The following MDGA2 variants were observed in gnomAD, a reference collection of about 807,000 sequenced individuals.
MDGA2 encodes MAM domain-containing glycosylphosphatidylinositol anchor protein 2.
Under a neutral mutation model 117.8 loss-of-function variants are expected in MDGA2, and 40 were observed. The observed-to-expected ratio is 0.34, with a 90% CI of 0.26 to 0.44. The LOEUF is 0.44. MDGA2 is among the 20% of genes least tolerant of loss of function. MDGA2 has a pLI of 1.00. For synonymous variants in MDGA2, 452 were observed against 439.0 expected (o/e 1.03, Z -0.37); for missense variants, 1,123 against 1,250.6 (o/e 0.90, Z 1.54).
chr14:47,044,876 A>C (rs1889201876), intron 7 of MDGA2, among the ~76,000 whole-genome samples: 2 of 152,212 alleles, frequency 1.3e-5, no homozygotes, highest in African/African-American at 4.8e-5. Context: ...AAATCTTATT[A>C]GAACGGCATT....
chr14:46,894,429 C>G (rs1307149269), intron 10 of MDGA2, among the ~76,000 whole-genome samples: 1 of 151,670 alleles, frequency 6.6e-6, no homozygotes. Context: ...TTTTTTTTCA[C>G]CATTGGGAAG....
intron 1 of MDGA2, among the ~76,000 whole-genome samples, chr14:47,317,847 CCT>C (rs935765262): frequency 5.3e-5 from 8 of 152,050 alleles, no homozygotes; most frequent in Admixed American, 3.9e-4. Context: ...CTTCTAGGCC[CCT>C]GTGCCCAGCT....
intron 1 of MDGA2, among the ~76,000 whole-genome samples, chr14:47,613,475 T>TCACA (rs879927071): frequency 1.3e-4 from 14 of 109,006 alleles, no homozygotes; most frequent in South Asian, 4.4e-4. Context: ...TCTCTCTCTC[T>TCACA]CTCTCACACA....
At chr14:46,961,522 T>G (rs1156640443) in intron 8 of MDGA2, among the ~76,000 whole-genome samples, 2 of 152,230 alleles carry the variant, frequency 1.3e-5, no homozygotes, top group African/African-American at 4.8e-5. Flanking sequence ...TCATTTATTC[T>G]TTTTCTGTAT....
Position 46,969,965 on chromosome 14 carries a change from T to C in MDGA2, c.1820-12322A>G, listed in dbSNP as rs1184594031. Among the ~76,000 whole-genome samples the C allele has an allele frequency of 6.1e-4, 43 of 70,460 alleles. 1 individual carries two copies. The highest frequency in any genetic ancestry group is 1.8e-3 in the South Asian group (5 of 2,710). The allele number at this position is 70,460 out of a possible 152,430, so 46.2% of individuals were successfully genotyped here. On this transcript the variant is annotated intron_variant, in intron 8 of 16. Transcript: ENST00000399232. ...ATATATATATATATATATATATATA[T>C]ATATATATATATGGAATAAATTTAA...
intron 1 of MDGA2, among the ~76,000 whole-genome samples, chr14:47,609,428 C>CATATATATATATATATATATATATAT (rs3040345): frequency 2.8e-4 from 5 of 17,562 alleles, no homozygotes; most frequent in Non-Finnish European, 4.2e-4. Flanking sequence ...AGTATTCCAT[C>CATATATATATATATATATATATATAT]ATATATATAT....
At chr14:47,455,692 T>C (rs1485181029) in intron 1 of MDGA2, among the ~76,000 whole-genome samples, 1 of 152,098 alleles carries the variant, frequency 6.6e-6, no homozygotes, top group Non-Finnish European at 1.5e-5. Flanking sequence ...AATTGAAGGT[T>C]AAATATTAGA....
intron 5 of MDGA2, among the ~76,000 whole-genome samples, chr14:47,110,967 T>G (rs1881003458): frequency 1.3e-5 from 2 of 152,126 alleles, no homozygotes; most frequent in South Asian, 4.1e-4. Flanking sequence ...GAAAAAATCC[T>G]AATTCAACAT....
chr14:47,046,375 T>C (rs1889265038), intron 7 of MDGA2, among the ~76,000 whole-genome samples: 1 of 151,872 alleles, frequency 6.6e-6, no homozygotes, highest in Non-Finnish European at 1.5e-5. Context: ...GCAGAGTTGT[T>C]CTCACTCATA....
chr14:47,233,580 T>C (rs1314120128), intron 2 of MDGA2, among the ~76,000 whole-genome samples: 1 of 151,962 alleles, frequency 6.6e-6, no homozygotes, highest in Non-Finnish European at 1.5e-5. Flanking sequence ...ATGAGTAAGG[T>C]GGGTCATTAA....
chr14:46,918,659 C>T (rs1455738556), intron 10 of MDGA2, among the ~76,000 whole-genome samples: 1 of 151,906 alleles, frequency 6.6e-6, no homozygotes, highest in Non-Finnish European at 1.5e-5. Context: ...GAGAAGAATC[C>T]AGTAATTATC....
chr14:47,447,966 G>C (rs532474782), intron 1 of MDGA2, among the ~76,000 whole-genome samples: 1 of 152,042 alleles, frequency 6.6e-6, no homozygotes, highest in South Asian at 2.1e-4. Context: ...GTATTTTCCT[G>C]AGTGGGGTGA....
At chr14:47,474,067 T>C (rs1049921909) in intron 1 of MDGA2, among the ~76,000 whole-genome samples, 1 of 152,272 alleles carries the variant, frequency 6.6e-6, no homozygotes, top group Non-Finnish European at 1.5e-5. Flanking sequence ...GACACGATCC[T>C]ATATCTAGAA....
chr14:46,863,882 C>G (rs1366791883), intron 14 of MDGA2, among the ~76,000 whole-genome samples: 1 of 152,168 alleles, frequency 6.6e-6, no homozygotes, highest in South Asian at 2.1e-4. Context: ...TAACAAGTAC[C>G]TGTAAAAAGA....
intron 7 of MDGA2, among the ~76,000 whole-genome samples, chr14:47,058,306 C>T (rs1889757311): frequency 6.6e-6 from 1 of 152,126 alleles, no homozygotes; most frequent in South Asian, 2.1e-4. Flanking sequence ...TTATATTTAA[C>T]ATAAAGAAAT....
chr14:47,546,051 G>A (rs988923937), intron 1 of MDGA2, among the ~76,000 whole-genome samples: 48 of 152,166 alleles, frequency 3.2e-4, no homozygotes, highest in African/African-American at 1.1e-3. Context: ...ACTGTATTTA[G>A]GAGAAAAACA....
chr14:47,391,676 T>G (rs972534142), intron 1 of MDGA2, among the ~76,000 whole-genome samples: 1 of 152,170 alleles, frequency 6.6e-6, no homozygotes, highest in African/African-American at 2.4e-5. Context: ...TTGATCTTGA[T>G]CATCTCTAAA....
intron 7 of MDGA2, among the ~76,000 whole-genome samples, chr14:47,053,085 C>T (rs1157373734): frequency 6.6e-6 from 1 of 151,954 alleles, no homozygotes. Flanking sequence ...GTACTGAAGG[C>T]TGTGAAGATG....
intron 9 of MDGA2, among the ~76,000 whole-genome samples, chr14:46,951,675 T>C (rs1210615278): frequency 6.6e-6 from 1 of 151,388 alleles, no homozygotes; most frequent in Non-Finnish European, 1.5e-5. Flanking sequence ...ACAAAGAAAT[T>C]AATTCTTCAC....
Sources: allele counts gnomAD v4.1 joint callset (sites outside exome capture counted in the v4.1 genomes callset), GRCh38; gene constraint gnomAD v4.1.1; transcripts MANE v1.5; gene names NCBI Gene and HGNC (gene_info 2026-07-23, HGNC 2026-07-21).